The following CDK19 variants were observed in gnomAD, a reference collection of about 807,000 sequenced individuals.
CDK19 encodes cyclin dependent kinase 19.
CDK19 carries 20 observed loss-of-function variants against 68.3 expected under a neutral mutation model. The observed-to-expected ratio is 0.29, with a 90% CI of 0.21 to 0.43. The LOEUF is 0.43. Among genes scored for constraint, CDK19 ranks in the 20% least tolerant of loss-of-function variants. The pLI, the probability that CDK19 is intolerant of heterozygous loss-of-function variation, is 1.00. For missense variants in CDK19, 339 were observed against 623.5 expected (o/e 0.54, Z 4.86); for synonymous variants, 221 against 222.8 (o/e 0.99, Z 0.07).
intron 2 of CDK19, among the ~76,000 whole-genome samples, chr6:110,716,711 G>C (rs865959287): frequency 6.6e-6 from 1 of 152,084 alleles, no homozygotes; most frequent in African/African-American, 2.4e-5. Context: ...TAGATATATA[G>C]AGAACAAAGA....
chr6:110,658,983 C>T (rs930958043), intron 4 of CDK19, among the ~76,000 whole-genome samples: 6 of 152,126 alleles, frequency 3.9e-5, no homozygotes, highest in African/African-American at 1.4e-4. Flanking sequence ...TCAGTATTCC[C>T]CATTTTACAG....
chr6:110,683,165 G>A (rs1008715608), intron 2 of CDK19, among the ~76,000 whole-genome samples: 1 of 106,888 alleles, frequency 9.4e-6, no homozygotes, highest in East Asian at 2.8e-4. Flanking sequence ...AACAGAGCAA[G>A]ACTGTCTCCA....
intron 1 of CDK19, among the ~76,000 whole-genome samples, chr6:110,758,376 G>C (rs1447767444): frequency 6.6e-6 from 1 of 152,174 alleles, no homozygotes; most frequent in African/African-American, 2.4e-5. Flanking sequence ...ACATTTGTGA[G>C]AGCATCACTA....
chr6:110,711,489 C>T (rs1283717242), intron 2 of CDK19, among the ~76,000 whole-genome samples: 3 of 151,926 alleles, frequency 2.0e-5, no homozygotes, highest in South Asian at 2.1e-4. Context: ...AACAAATTTA[C>T]GTATCAATTA....
chr6:110,741,496 G>GA (rs1190487472), intron 2 of CDK19, among the ~76,000 whole-genome samples: 8 of 149,344 alleles, frequency 5.4e-5, no homozygotes, highest in Non-Finnish European at 1.0e-4. Flanking sequence ...AAAAAAAAAA[G>GA]AAATGATGGC....
At chr6:110,617,279 T>A (rs1377558528) in intron 12 of CDK19, among the ~76,000 whole-genome samples, 1 of 152,136 alleles carries the variant, frequency 6.6e-6, no homozygotes, top group African/African-American at 2.4e-5. Context: ...ATCTGGCATA[T>A]CCTGTCTGAC....
intron 4 of CDK19, among the ~76,000 whole-genome samples, chr6:110,654,745 A>C (rs1247341210): frequency 6.6e-6 from 1 of 152,224 alleles, no homozygotes; most frequent in African/African-American, 2.4e-5. Context: ...GTTCGAGACC[A>C]GCCTGACCAA....
At chr6:110,679,002 G>C (rs1368258715) in intron 2 of CDK19, among the ~76,000 whole-genome samples, 1 of 152,110 alleles carries the variant, frequency 6.6e-6, no homozygotes, top group Non-Finnish European at 1.5e-5. Context: ...TACCAGCTTG[G>C]TTCCTTCATT....
chr6:110,620,070 C>A (rs1170707465), intron 12 of CDK19, among the ~76,000 whole-genome samples: 1 of 152,042 alleles, frequency 6.6e-6, no homozygotes, highest in African/African-American at 2.4e-5. Context: ...TTTAGTAGAT[C>A]AAACTGAAGC....
intron 2 of CDK19, chr6:110,700,416 T>G (rs1020958510): frequency 6.6e-6 from 1 of 152,124 alleles, no homozygotes; most frequent in African/African-American, 2.4e-5. Context: ...GACTGCTAGC[T>G]TATAGAGCTT....
chr6:110,688,764 A>G (rs1467835921), intron 2 of CDK19, among the ~76,000 whole-genome samples: 1 of 152,172 alleles, frequency 6.6e-6, no homozygotes, highest in Non-Finnish European at 1.5e-5. Flanking sequence ...AGACTGAGGG[A>G]AGCCATTCTA....
intron 2 of CDK19, among the ~76,000 whole-genome samples, chr6:110,679,496 T>C (rs997537635): frequency 6.6e-6 from 1 of 151,916 alleles, no homozygotes; most frequent in Non-Finnish European, 1.5e-5. Context: ...CCTATAATCC[T>C]AGCTACTCAG....
At chr6:110,695,868 A>G (rs1307357834) in intron 2 of CDK19, among the ~76,000 whole-genome samples, 9 of 152,080 alleles carry the variant, frequency 5.9e-5, no homozygotes, top group Admixed American at 5.9e-4. Flanking sequence ...AAAACTACCA[A>G]CAAAAAAAGT....
chr6:110,632,996 G>A (rs1779537591), intron 5 of CDK19, among the ~76,000 whole-genome samples: 1 of 151,994 alleles, frequency 6.6e-6, no homozygotes. Flanking sequence ...CGAGGCAGGT[G>A]GATCATGAGG....
intron 6 of CDK19, among the ~76,000 whole-genome samples, chr6:110,631,282 C>T (rs1779419836): frequency 6.6e-6 from 1 of 152,110 alleles, no homozygotes; most frequent in African/African-American, 2.4e-5. Flanking sequence ...ATGTACTCTC[C>T]CCTACTCTCT....
At chr6:110,685,711 A>C (rs1162203676) in intron 2 of CDK19, among the ~76,000 whole-genome samples, 1 of 152,204 alleles carries the variant, frequency 6.6e-6, no homozygotes, top group Non-Finnish European at 1.5e-5. Context: ...GATGGCTTCA[A>C]AGTTAAAACT....
At chr6:110,699,796 A>G (rs1419470516) in intron 2 of CDK19, among the ~76,000 whole-genome samples, 1 of 152,218 alleles carries the variant, frequency 6.6e-6, no homozygotes, top group East Asian at 1.9e-4. Context: ...TCTTGTACAG[A>G]AAATACATCC....
chr6:110,622,420 A>G (rs548421126), intron 10 of CDK19, among the ~76,000 whole-genome samples: 1 of 152,316 alleles, frequency 6.6e-6, no homozygotes, highest in Admixed American at 6.5e-5. Context: ...CTTATAGATG[A>G]AAACACAAAG....
intron 1 of CDK19, among the ~76,000 whole-genome samples, chr6:110,809,858 G>A (rs559904318): frequency 1.3e-5 from 2 of 152,296 alleles, no homozygotes; most frequent in South Asian, 4.1e-4. Flanking sequence ...AGGCATATTA[G>A]TATCACTTAC....
Sources: gnomAD v4.1 joint callset for allele counts (sites outside exome capture counted in the v4.1 genomes callset) on GRCh38, gnomAD v4.1.1 for gene constraint, MANE v1.5 for transcripts, NCBI Gene and HGNC (gene_info 2026-07-23, HGNC 2026-07-21) for gene names.